The following WASHC2C variants were observed in gnomAD, a reference collection of about 807,000 sequenced individuals.
WASHC2C encodes Vaccinia Penetration Factor.
Under a neutral mutation model 142.2 loss-of-function variants are expected in WASHC2C, and 73 were observed. That is an observed-to-expected ratio of 0.51 (90% confidence interval 0.43 to 0.62). The LOEUF (loss-of-function observed/expected upper bound fraction) is 0.62, where lower values mean the gene tolerates loss of function less well. Among genes scored for constraint, WASHC2C ranks in the 20% least tolerant of loss-of-function variants. WASHC2C has a pLI of 0.00. For synonymous variants in WASHC2C, 337 were observed against 565.5 expected (o/e 0.60, Z 5.73); for missense variants, 969 against 1,531.7 (o/e 0.63, Z 6.13).
At chr10:45,775,715 C>CTCTT (rs1377066540) in intron 21 of WASHC2C, among the ~76,000 whole-genome samples, 1 of 125,892 alleles carries the variant, frequency 7.9e-6, no homozygotes, top group Non-Finnish European at 1.6e-5. Context: ...CGGAGTCTTG[C>CTCTT]TCTTTCGTCC....
intron 17 of WASHC2C, among the ~76,000 whole-genome samples, chr10:45,762,806 A>T (rs1267051121): frequency 6.6e-6 from 1 of 152,128 alleles, no homozygotes; most frequent in Non-Finnish European, 1.5e-5. Context: ...CTCAGGAGGC[A>T]GAGGCAGGAG....
intron 20 of WASHC2C, among the ~76,000 whole-genome samples, chr10:45,772,688 C>A (rs531822179): frequency 7.2e-4 from 109 of 152,158 alleles, no homozygotes; most frequent in African/African-American, 2.4e-3. Context: ...TGCTCTCCAG[C>A]CTGGGCAGTA....
rs2050392616 is a variant in WASHC2C, at chr10:45,730,278, C to T, written c.291+1252C>T. On this transcript the variant is annotated intron_variant, in intron 3 of 30. Coordinates refer to ENST00000623400, the MANE Select transcript of WASHC2C (RefSeq NM_001330074.2). Reference sequence around the variant, plus strand: ...AGGAGAATCGCTTGAACCTGGGAGGCGGAGGTTGCGGTGAGCCGAGATCCT... The same window carrying T: ...AGGAGAATCGCTTGAACCTGGGAGGTGGAGGTTGCGGTGAGCCGAGATCCT... Among the ~76,000 whole-genome samples the T allele has an allele frequency of 2.3e-5, 3 of 131,960 alleles. No individual in the cohort carries two copies. In the South Asian group the frequency reaches 7.7e-4, roughly 34 times the overall value. 86.6% of individuals were successfully genotyped at this position (131,960 alleles called of 152,430 possible).
chr10:45,742,557 C>T (rs1198117599), intron 5 of WASHC2C, among the ~76,000 whole-genome samples: 30 of 152,356 alleles, frequency 2.0e-4, no homozygotes, highest in African/African-American at 6.7e-4. Flanking sequence ...CTCAAGTGAT[C>T]CATCTGCCTC....
chr10:45,748,785 G>A (rs547092079), intron 8 of WASHC2C, among the ~76,000 whole-genome samples: 3 of 152,140 alleles, frequency 2.0e-5, no homozygotes, highest in South Asian at 2.1e-4. Context: ...ACATAGTAGT[G>A]TGTACCTTTG....
chr10:45,753,259 G>C (rs2053824283), intron 13 of WASHC2C, 22 bp downstream of exon 13: 1 of 1,240,492 alleles, frequency 8.1e-7, no homozygotes, highest in South Asian at 1.5e-5. Context: ...CTGGGCAGCT[G>C]CGTCTCCGTG....
intron 3 of WASHC2C, among the ~76,000 whole-genome samples, chr10:45,730,640 G>A (rs1323661803): frequency 2.0e-5 from 3 of 146,936 alleles, no homozygotes; most frequent in Non-Finnish European, 4.5e-5. Context: ...TTTTTTTTGA[G>A]ATGGAGTCTC....
chr10:45,771,965 C>G, intron 20 of WASHC2C, among the ~76,000 whole-genome samples: 1 of 152,182 alleles, frequency 6.6e-6, no homozygotes, highest in East Asian at 1.9e-4. Flanking sequence ...TTATTGCAGC[C>G]TTAGTCATAA....
intron 6 of WASHC2C, among the ~76,000 whole-genome samples, chr10:45,744,422 C>T (rs1443386734): frequency 7.0e-6 from 1 of 143,210 alleles, no homozygotes; most frequent in African/African-American, 2.6e-5. Context: ...CACATTTTGC[C>T]GTTTGTCCCA....
chr10:45,772,765 T>G (rs1429126276), intron 20 of WASHC2C, among the ~76,000 whole-genome samples: 1 of 152,106 alleles, frequency 6.6e-6, no homozygotes, highest in African/African-American at 2.4e-5. Flanking sequence ...GTGAATTTTA[T>G]GGAATGTAAA....
chr10:45,734,418 T>C (rs1208211855), intron 3 of WASHC2C, among the ~76,000 whole-genome samples: 4 of 152,092 alleles, frequency 2.6e-5, no homozygotes, highest in Non-Finnish European at 5.9e-5. Flanking sequence ...TTTTTCTTAA[T>C]GTGAACTTAT....
intron 27 of WASHC2C, 174 bp from the exon 28 acceptor site, chr10:45,786,861 C>T: frequency 6.4e-7 from 1 of 1,556,314 alleles, no homozygotes. Flanking sequence ...CAGTGGTGGG[C>T]ATAGGTGTAA....
chr10:45,741,979 G>GAGACGGA, intron 5 of WASHC2C, among the ~76,000 whole-genome samples: 1 of 151,734 alleles, frequency 6.6e-6, no homozygotes, highest in Non-Finnish European at 1.5e-5. Context: ...TTTTTTAGTA[G>GAGACGGA]AGACGGGGTT....
rs782002344 is a variant in WASHC2C, at chr10:45,754,525, G to A, written c.1220G>A (p.Gly407Glu). The A allele has an allele frequency of 6.2e-7, 1 of 1,602,376 alleles. No homozygotes were observed. Among genetic ancestry groups the A allele is most frequent in the South Asian group, 1.1e-5 (1 of 90,056 alleles). ...SSKPGKKIPA[G>E]AVSVFLGDTD... ...AAACCTGGAAAGAAAATCCCAGCAG[G>A]AGCTGTTTCTGTATTTTTAGGTAAC... The change falls in exon 14 of 31, where the codon GGA (glycine) becomes GAA (glutamate). Residue 407 changes from glycine to glutamate, a missense_variant. By Grantham distance (98) the Gly-to-Glu change is moderately conservative. Coordinates refer to ENST00000623400, the MANE Select transcript of WASHC2C (RefSeq NM_001330074.2).
upstream of WASHC2C, chr10:45,727,204 G>C (rs868458144): frequency 2.0e-6 from 3 of 1,483,444 alleles, no homozygotes; most frequent in Non-Finnish European, 2.7e-6. Flanking sequence ...CGTGACATCA[G>C]GTCACGTGAG....
intron 13 of WASHC2C, 99 bp from the exon 14 acceptor site, chr10:45,754,387 G>A (rs2053986351): frequency 6.3e-7 from 1 of 1,589,246 alleles, no homozygotes; most frequent in Non-Finnish European, 8.6e-7. Context: ...CAAAAGGTCT[G>A]GTACTAGCTG....
Position 45,787,257 on chromosome 10 carries a change from C to G in WASHC2C, c.3087+10C>G, listed in dbSNP as rs1306790491. On this transcript the variant is annotated intron_variant, in intron 28 of 30. Coordinates refer to ENST00000623400, the MANE Select transcript of WASHC2C (RefSeq NM_001330074.2). ...ACACAGTGCAAACAAGGTGATGAAA[C>G]CATCTTTGCTTCCTTGCTCTCTTCT... 1.5e-6 allele frequency: 2 copies of G among 1,325,872 alleles called. No homozygotes were observed. Among genetic ancestry groups the G allele is most frequent in the East Asian group, 2.5e-5 (1 of 39,882 alleles). 82.1% of individuals were successfully genotyped at this position (1,325,872 alleles called of 1,614,324 possible). A position where few individuals can be genotyped will look rare whatever the true frequency, so the allele number is the denominator to read the frequency against.
At chr10:45,729,157 C>G (rs2050251859) in intron 3 of WASHC2C, 131 bp downstream of exon 3, 2 of 1,083,848 alleles carry the variant, frequency 1.8e-6, no homozygotes, top group Non-Finnish European at 2.5e-6. Context: ...GCTTTTTTCT[C>G]TGGGATTAAC....
At chr10:45,729,197 C>T (rs1359847874) in intron 3 of WASHC2C, among the ~76,000 whole-genome samples, 171 bp downstream of exon 3, 2 of 152,208 alleles carry the variant, frequency 1.3e-5, no homozygotes, top group Non-Finnish European at 2.9e-5. Flanking sequence ...AGTTTTAAGT[C>T]CTTTTTTCCA....
Sources: gnomAD v4.1 joint callset for allele counts (sites outside exome capture counted in the v4.1 genomes callset) on GRCh38, gnomAD v4.1.1 for gene constraint, MANE v1.5 for transcripts, NCBI Gene and HGNC (gene_info 2026-07-23, HGNC 2026-07-21) for gene names.